The following PDE4B variants were observed in gnomAD, a reference collection of about 807,000 sequenced individuals.
The protein encoded by PDE4B is 3',5'-cyclic-AMP phosphodiesterase 4B.
In PDE4B, 20 loss-of-function variants were observed where a neutral mutation model predicts 82.2. The ratio of observed to expected loss-of-function variants is 0.24; its 90% confidence interval spans 0.17 to 0.35. PDE4B has a LOEUF of 0.35. PDE4B is among the 10% of genes least tolerant of loss of function. The pLI, the probability that PDE4B is intolerant of heterozygous loss-of-function variation, is 1.00. For missense variants in PDE4B, 655 were observed against 907.2 expected, an observed-to-expected ratio of 0.72 and a Z score of 3.57; for synonymous variants, 320 against 318.9, an observed-to-expected ratio of 1.00 and a Z score of -0.04.
chr1:66,229,831 C>A (rs1315963067), intron 3 of PDE4B, among the ~76,000 whole-genome samples: 1 of 152,164 alleles, frequency 6.6e-6, no homozygotes, highest in African/African-American at 2.4e-5. Flanking sequence ...TTTTAGCTCT[C>A]TCTTCTATTG....
chr1:66,205,203 A>G, intron 3 of PDE4B, among the ~76,000 whole-genome samples: 1 of 152,232 alleles, frequency 6.6e-6, no homozygotes. Flanking sequence ...ACAGTCATAT[A>G]CAGCACAGGC....
At chr1:66,052,971 A>G (rs1338558710) in intron 3 of PDE4B, among the ~76,000 whole-genome samples, 1 of 152,196 alleles carries the variant, frequency 6.6e-6, no homozygotes, top group Non-Finnish European at 1.5e-5. Flanking sequence ...GATGTAATAA[A>G]GTGTCATTAG....
chr1:66,129,515 C>T (rs1387960171), intron 3 of PDE4B, among the ~76,000 whole-genome samples: 2 of 150,968 alleles, frequency 1.3e-5, no homozygotes, highest in Admixed American at 1.3e-4. Flanking sequence ...AAAAAATTAG[C>T]CGGGCGTAGT....
intron 3 of PDE4B, among the ~76,000 whole-genome samples, chr1:66,178,491 AT>A (rs1397121848): frequency 6.6e-6 from 1 of 152,160 alleles, no homozygotes; most frequent in Non-Finnish European, 1.5e-5. Flanking sequence ...AGTGATTTTA[AT>A]TTTTAAGTTG....
intron 1 of PDE4B, among the ~76,000 whole-genome samples, chr1:65,905,855 C>T (rs534666564): frequency 9.9e-5 from 15 of 152,058 alleles, no homozygotes; most frequent in Admixed American, 1.3e-4. Flanking sequence ...GATGAATAAG[C>T]GTTGATTCTC....
At chr1:66,316,143 A>G (rs760965558) in intron 7 of PDE4B, among the ~76,000 whole-genome samples, 167 of 152,374 alleles carry the variant, frequency 1.1e-3, no homozygotes, top group Non-Finnish European at 1.9e-3. Flanking sequence ...AATTTAGTAA[A>G]TGATTGCTAA....
At position 66,223,084 on chromosome 1, in the gene PDE4B, T is replaced by A. The variant is rs184627595; in HGVS notation, c.282-24376T>A. Among the ~76,000 whole-genome samples, 3 of 152,300 alleles carry A rather than the reference T, an allele frequency of 2.0e-5. No homozygotes were observed. The East Asian group carries it at 5.8e-4, about 29-fold the overall frequency. ...GTTCACACAATGTGTGCCAGGTGTG[T>A]TCCAGATCATAGAAATTCAGCAATA... On this transcript the variant is annotated intron_variant, in intron 3 of 16. Coordinates refer to ENST00000341517, the MANE Select transcript of PDE4B (RefSeq NM_002600.4).
intron 3 of PDE4B, among the ~76,000 whole-genome samples, chr1:66,163,518 C>A (rs58759424): frequency 2.0e-5 from 3 of 151,746 alleles, no homozygotes; most frequent in Non-Finnish European, 4.4e-5. Context: ...CTTATGATTT[C>A]TAAGTCAATA....
chr1:65,972,005 A>G (rs1433465932), intron 3 of PDE4B, among the ~76,000 whole-genome samples: 3 of 152,168 alleles, frequency 2.0e-5, no homozygotes, highest in Non-Finnish European at 4.4e-5. Flanking sequence ...TATATCCATC[A>G]TTATTGCTTC....
chr1:66,134,794 C>CAAAA (rs1646022388), intron 3 of PDE4B, among the ~76,000 whole-genome samples: 1 of 152,130 alleles, frequency 6.6e-6, no homozygotes, highest in Non-Finnish European at 1.5e-5. Flanking sequence ...TACATGTGTG[C>CAAAA]CATGTGCCAA....
intron 3 of PDE4B, among the ~76,000 whole-genome samples, chr1:66,160,024 G>A (rs1348647326): frequency 2.0e-5 from 3 of 152,212 alleles, no homozygotes; most frequent in Non-Finnish European, 2.9e-5. Flanking sequence ...TTTACATACA[G>A]CTCTTGCCTG....
At position 66,204,378 on chromosome 1, in the gene PDE4B, A is replaced by G. The variant is rs150946817; in HGVS notation, c.282-43082A>G. On this transcript the variant is annotated intron_variant, in intron 3 of 16. Coordinates refer to ENST00000341517, the MANE Select transcript of PDE4B (RefSeq NM_002600.4). Reference sequence around the variant, plus strand: ...AACCTCTACTCTCTTCAAAGCTGTCAGACAGGGACGTTTAAGTTTGCAGAG... The same window carrying G: ...AACCTCTACTCTCTTCAAAGCTGTCGGACAGGGACGTTTAAGTTTGCAGAG... Among the ~76,000 whole-genome samples, 1,946 of 152,352 alleles carry G rather than the reference A, an allele frequency of 0.013. 93 individuals carry two copies. In the East Asian group the frequency reaches 0.15, roughly 12 times the overall value.
At chr1:66,266,272 A>G in intron 7 of PDE4B, 185 bp downstream of exon 7, 1 of 611,336 alleles carries the variant, frequency 1.6e-6, no homozygotes, top group Non-Finnish European at 3.0e-6. Context: ...ACCACATTAA[A>G]AGCAGTACTA....
chr1:65,979,292 C>T (rs1569872657), intron 3 of PDE4B, among the ~76,000 whole-genome samples: 1 of 152,202 alleles, frequency 6.6e-6, no homozygotes, highest in East Asian at 1.9e-4. Context: ...GATTGCCTTC[C>T]TGCCTTTGGC....
chr1:65,920,700 C>A (rs999580067), intron 3 of PDE4B, among the ~76,000 whole-genome samples: 4 of 152,118 alleles, frequency 2.6e-5, no homozygotes, highest in Non-Finnish European at 4.4e-5. Context: ...TCCTCTTGAT[C>A]ATTATCCAAT....
At chr1:66,010,797 T>G (rs1652440463) in intron 3 of PDE4B, among the ~76,000 whole-genome samples, 1 of 147,574 alleles carries the variant, frequency 6.8e-6, no homozygotes, top group African/African-American at 2.5e-5. Flanking sequence ...CAATATTGCA[T>G]GTGATATTTA....
At chr1:66,354,701 C>T (rs1662098730) in intron 8 of PDE4B, 1 of 1,431,630 alleles carries the variant, frequency 7.0e-7, no homozygotes, top group South Asian at 1.5e-5. Flanking sequence ...AAATGCCATA[C>T]ATTTTGGAGG....
chr1:66,212,408 A>C (rs1650121397), intron 3 of PDE4B, among the ~76,000 whole-genome samples: 1 of 152,000 alleles, frequency 6.6e-6, no homozygotes, highest in Non-Finnish European at 1.5e-5. Flanking sequence ...TCTGTCTGAA[A>C]TGTCCCTCAT....
At chr1:65,848,311 G>T (rs4347184) in intron 1 of PDE4B, among the ~76,000 whole-genome samples, 80,055 of 151,762 alleles carry the variant, frequency 0.53, 21,300 homozygotes, top group Non-Finnish European at 0.56. Context: ...GCTAATTTTT[G>T]TGTGTGTGTG....
Sources: gnomAD v4.1 joint callset for allele counts (sites outside exome capture counted in the v4.1 genomes callset) on GRCh38, gnomAD v4.1.1 for gene constraint, MANE v1.5 for transcripts, NCBI Gene and HGNC (gene_info 2026-07-23, HGNC 2026-07-21) for gene names.